IL1R2: variants seen among roughly 807,000 people sequenced by gnomAD.
IL1R2 encodes the protein interleukin 1 receptor type 2.
IL1R2 carries 46 observed loss-of-function variants against 39.5 expected under a neutral mutation model. The ratio of observed to expected loss-of-function variants is 1.16; its 90% CI spans 0.92 to 1.49. IL1R2 has a LOEUF of 1.49. Ranked by LOEUF, IL1R2 falls within the 40% of genes most tolerant of loss-of-function variation. The pLI, the probability that IL1R2 is intolerant of heterozygous loss-of-function variation, is 0.00. For missense variants in IL1R2, 537 were observed against 502.0 expected (o/e 1.07, Z -0.67); for synonymous variants, 207 against 189.6 (o/e 1.09, Z -0.75).
chr2:101,993,412 G>A (rs748382190), intron 1 of IL1R2, among the ~76,000 whole-genome samples: 5 of 152,154 alleles, frequency 3.3e-5, no homozygotes, highest in African/African-American at 4.8e-5. Context: ...AGGACTTAAG[G>A]TCACCCTCAC....
chr2:102,018,892 C>G (rs1677180090), intron 4 of IL1R2, among the ~76,000 whole-genome samples: 1 of 152,176 alleles, frequency 6.6e-6, no homozygotes, highest in African/African-American at 2.4e-5. Flanking sequence ...CTTCATGAGC[C>G]ATGTGGCAAT....
At chr2:102,022,112 C>T in intron 5 of IL1R2, 75 bp from the exon 6 acceptor site, 1 of 1,235,942 alleles carries the variant, frequency 8.1e-7, no homozygotes, top group Non-Finnish European at 1.2e-6. Context: ...AGTTGATTAG[C>T]CAAACAATGA....
intron 1 of IL1R2, among the ~76,000 whole-genome samples, chr2:102,005,267 C>T (rs369762594): frequency 3.3e-5 from 5 of 152,282 alleles, no homozygotes; most frequent in East Asian, 3.9e-4. Context: ...GGAGGCTGCA[C>T]GTCAGCTCCT....
At chr2:101,993,813 G>C (rs4851520) in intron 1 of IL1R2, among the ~76,000 whole-genome samples, 20,877 of 152,096 alleles carry the variant, frequency 0.14, 1,571 homozygotes, top group South Asian at 0.27. Flanking sequence ...TAAGATCTTT[G>C]TCAAGACCCT....
intron 1 of IL1R2, among the ~76,000 whole-genome samples, chr2:101,998,402 T>G (rs1317046985): frequency 4.6e-5 from 7 of 152,216 alleles, no homozygotes; most frequent in Non-Finnish European, 7.3e-5. Flanking sequence ...CCTAGCCTTC[T>G]CCCTCTTTCC....
intron 3 of IL1R2, among the ~76,000 whole-genome samples, chr2:102,013,576 G>GAAA (rs1559421494): frequency 7.3e-5 from 4 of 54,704 alleles, no homozygotes; most frequent in South Asian, 5.7e-4. Context: ...AGAAAAGAAG[G>GAAA]AAAAGAAAAA....
intron 1 of IL1R2, among the ~76,000 whole-genome samples, chr2:102,003,084 GTGTCTGTGTCTA>G (rs1390310575): frequency 1.4e-4 from 16 of 114,130 alleles, no homozygotes; most frequent in African/African-American, 3.6e-4. Flanking sequence ...GGCTGTGTCC[GTGTCTGTGTCTA>G]TGTCTGTGTC....
At chr2:102,021,792 TG>T (rs762328411) in intron 5 of IL1R2, among the ~76,000 whole-genome samples, 3 of 152,224 alleles carry the variant, frequency 2.0e-5, no homozygotes, top group Non-Finnish European at 2.9e-5. Context: ...GAGTATTTTG[TG>T]GCAGGCACTT....
chr2:101,992,121 G>A (rs1675357157), intron 1 of IL1R2, 110 bp downstream of exon 1: 1 of 152,570 alleles, frequency 6.6e-6, no homozygotes, highest in South Asian at 2.1e-4. Flanking sequence ...GAGGCAGAGA[G>A]AGAGGGAAAG....
chr2:102,014,034 C>T (rs1368415644), intron 3 of IL1R2, among the ~76,000 whole-genome samples: 1 of 152,126 alleles, frequency 6.6e-6, no homozygotes. Context: ...TTGCCCCTCA[C>T]CCTTCTCTTT....
intron 1 of IL1R2, among the ~76,000 whole-genome samples, chr2:102,007,892 G>T (rs180954317): frequency 6.6e-6 from 1 of 152,180 alleles, no homozygotes; most frequent in African/African-American, 2.4e-5. Context: ...TTATCTGTAC[G>T]CTCTCTGCTT....
In IL1R2 at chr2:102,027,034, C is replaced by T. The variant is rs1421105656; in HGVS notation, c.1030+781C>T. Among the ~76,000 whole-genome samples, 3 of 152,210 alleles carry T rather than the reference C, an allele frequency of 2.0e-5. No homozygotes were observed. In the East Asian group the frequency reaches 5.8e-4, roughly 29 times the overall value. ...TGGAAAGCCAATGATGTGTTCCAGC[C>T]TCAGGACAGGGAATGGCACCCAACT... On this transcript the variant is annotated intron_variant, in intron 8 of 8. Coordinates refer to ENST00000332549, the MANE Select transcript of IL1R2 (RefSeq NM_004633.4).
At chr2:101,996,405 G>C (rs112139181) in intron 1 of IL1R2, among the ~76,000 whole-genome samples, 1,994 of 150,826 alleles carry the variant, frequency 0.013, 45 homozygotes, top group African/African-American at 0.047. Context: ...CTATCTTCAA[G>C]TTGAAGATCA....
intron 5 of IL1R2, among the ~76,000 whole-genome samples, chr2:102,020,346 A>C (rs1226702919): frequency 6.6e-6 from 1 of 152,196 alleles, no homozygotes; most frequent in African/African-American, 2.4e-5. Flanking sequence ...GTTTCGTTTG[A>C]AAATGCTGTT....
chr2:102,022,774 T>G (rs1222531984), intron 6 of IL1R2, among the ~76,000 whole-genome samples: 2 of 152,242 alleles, frequency 1.3e-5, no homozygotes, highest in Non-Finnish European at 2.9e-5. Context: ...TCACTCCATG[T>G]GGTACAGTCC....
rs899107065 is a variant in IL1R2, at chr2:101,996,440, G to T, written c.-62+4429G>T. 2.7e-5 allele frequency among the ~76,000 whole-genome samples: 4 copies of T among 146,176 alleles called. No individual in the cohort carries two copies. The Admixed American group carries it at 2.7e-4, about 10-fold the overall frequency. On this transcript the variant is annotated intron_variant, in intron 1 of 8. Transcript: ENST00000332549. ...AGGTTTTCTTTTGCTGAGGGTGAGAGATTTTCCCACACAGTAGAGATAAAA... is the reference window on the plus strand; with the variant it reads ...AGGTTTTCTTTTGCTGAGGGTGAGATATTTTCCCACACAGTAGAGATAAAA...
At chr2:102,010,888 C>A (rs1039752497) in intron 3 of IL1R2, among the ~76,000 whole-genome samples, 3 of 152,166 alleles carry the variant, frequency 2.0e-5, no homozygotes, top group Non-Finnish European at 4.4e-5. Flanking sequence ...TAAACAATAA[C>A]TCCCCTCTCT....
chr2:102,009,725 G>T lies in IL1R2; in HGVS notation c.231G>T (p.Thr77=), dbSNP rs2230401. The change falls in exon 3 of 9, where the codon ACG becomes ACT. Residue 77 remains threonine (T), a synonymous_variant. Coordinates refer to ENST00000332549, the MANE Select transcript of IL1R2 (RefSeq NM_004633.4). The part of the protein sequence containing the change: ...LTWHKNDSAR[T]VPGEEETRMW... Reference sequence around the variant, plus strand: ...GGCATAAAAATGACTCTGCTAGGACGGTCCCAGGAGAAGAAGAGACACGGA... The same window carrying T: ...GGCATAAAAATGACTCTGCTAGGACTGTCCCAGGAGAAGAAGAGACACGGA... 2 of 1,614,168 alleles carry T rather than the reference G, an allele frequency of 1.2e-6. No homozygotes were observed. Among genetic ancestry groups the T allele is most frequent in the Non-Finnish European group, 8.5e-7 (1 of 1,180,036 alleles).
intron 1 of IL1R2, among the ~76,000 whole-genome samples, chr2:101,992,437 A>G (rs1675388416): frequency 6.6e-6 from 1 of 151,380 alleles, no homozygotes; most frequent in Non-Finnish European, 1.5e-5. Flanking sequence ...ACACAGAGAC[A>G]CAGAGAGAGG....
Sources: allele counts gnomAD v4.1 joint callset (sites outside exome capture counted in the v4.1 genomes callset), GRCh38; gene constraint gnomAD v4.1.1; transcripts MANE v1.5; gene names NCBI Gene and HGNC (gene_info 2026-07-23, HGNC 2026-07-21).